Variants in SLC25A6 observed in about 807,000 individuals in gnomAD.
SLC25A6 encodes solute carrier family 25 member 6.
A neutral mutation model predicts 25.7 loss-of-function variants in SLC25A6; 9 were observed. The observed-to-expected ratio is 0.35, with a 90% CI of 0.21 to 0.61. The LOEUF (loss-of-function observed/expected upper bound fraction) is 0.61, where lower values mean the gene tolerates loss of function less well. SLC25A6 is among the 20% of genes least tolerant of loss of function. The probability of loss-of-function intolerance (pLI) is 0.76; values close to 1 mark genes in which losing one functional copy is unlikely to be tolerated. For missense variants in SLC25A6, 404 were observed against 440.5 expected (o/e 0.92, Z 0.74); for synonymous variants, 223 against 197.0 (o/e 1.13, Z -1.11).
At position 1,391,969 on chromosome X, in the gene SLC25A6, G is replaced by C; in HGVS notation, c.41C>G (p.Ala14Gly). 6.2e-7 allele frequency: 1 copy of C among 1,609,528 alleles called. No homozygotes were observed. Among genetic ancestry groups the C allele is most frequent in the Non-Finnish European group, 8.5e-7 (1 of 1,178,872 alleles). Residue 14 changes from alanine (A) to glycine (G), a missense_variant, in exon 1 of 4, where the codon GCC (alanine) becomes GGC (glycine). Physicochemically the swap from Ala to Gly is moderately conservative, Grantham distance 60. Coordinates refer to ENST00000381401, the MANE Select transcript of SLC25A6 (RefSeq NM_001636.4). Reference sequence around the variant, plus strand: ...GGAGATGGCGGCGGCGATGCCTCCGGCCAAGAAGTCTTTGGCGAAGGAGAT... The same window carrying C: ...GGAGATGGCGGCGGCGATGCCTCCGCCCAAGAAGTCTTTGGCGAAGGAGAT... ...QAISFAKDFL[A>G]GGIAAAISKT...
intron 2 of SLC25A6, among the ~76,000 whole-genome samples, chrX:1,388,769 G>A (rs1170673246): frequency 6.6e-6 from 1 of 151,498 alleles, no homozygotes; most frequent in Admixed American, 6.6e-5. Flanking sequence ...TTCTGTGATA[G>A]CAGCCTGAAA....
At position 1,392,032 on chromosome X, in the gene SLC25A6, C is replaced by T; in HGVS notation, c.-23G>A. 1.3e-6 allele frequency: 2 copies of T among 1,567,368 alleles called. No homozygotes were observed. Among genetic ancestry groups the T allele is most frequent in the Non-Finnish European group, 1.7e-6 (2 of 1,147,148 alleles). ...CATGGTGGCAGGGCGGGCAGCGGAACGGGAGGACAGCCGGAGAACGGGCGC... is the reference window on the plus strand; with the variant it reads ...CATGGTGGCAGGGCGGGCAGCGGAATGGGAGGACAGCCGGAGAACGGGCGC... On this transcript the variant is annotated 5_prime_UTR_variant, in exon 1 of 4. Coordinates refer to ENST00000381401, the MANE Select transcript of SLC25A6 (RefSeq NM_001636.4).
At chrX:1,390,642 A>ACGATCCTCCCTGGGC (rs1437538466) in intron 1 of SLC25A6, among the ~76,000 whole-genome samples, 1 of 148,016 alleles carries the variant, frequency 6.8e-6, no homozygotes, top group East Asian at 2.1e-4. Flanking sequence ...CTGGTCTCAA[A>ACGATCCTCCCTGGGC]CGATCCTCCC....
chrX:1,386,837 G>A (rs569478880), intron 3 of SLC25A6, 78 bp from the exon 4 acceptor site: 193 of 1,496,768 alleles, frequency 1.3e-4, no homozygotes, highest in Non-Finnish European at 1.4e-4. Context: ...CCACAAAGAC[G>A]TTTCACAGAA....
At chrX:1,390,636 T>G (rs5989757) in intron 1 of SLC25A6, among the ~76,000 whole-genome samples, 2 of 145,614 alleles carry the variant, frequency 1.4e-5, no homozygotes, top group Non-Finnish European at 3.0e-5. Flanking sequence ...CTCTGGCTGG[T>G]CTCAAACGAT....
intron 1 of SLC25A6, 36 bp from the exon 2 acceptor site, chrX:1,389,763 G>A: frequency 6.3e-7 from 1 of 1,599,470 alleles, no homozygotes. Context: ...CCAGACCCAG[G>A]GCCAACCACC....
chrX:1,387,296 T>G lies in SLC25A6; in HGVS notation c.722A>C (p.Gln241Pro). The G allele has an allele frequency of 6.2e-7, 1 of 1,612,804 alleles. No homozygotes were observed. Among genetic ancestry groups the G allele is most frequent in the Non-Finnish European group, 8.5e-7 (1 of 1,179,658 alleles). ...FDTVRRRMMM[Q>P]SGRKGADIMY... ...CCGAGTACCTCCTTTGCGCCCGGAC[T>G]GCATCATCATGCGCCGCCGCACCGT... Residue 241 changes from glutamine to proline, a missense_variant, in exon 3 of 4, where the codon CAG becomes CCG. Coordinates refer to ENST00000381401, the MANE Select transcript of SLC25A6 (RefSeq NM_001636.4).
At position 1,389,918 on chromosome X, in the gene SLC25A6, C is replaced by T. The variant is rs373385915; in HGVS notation, c.112-191G>A. ...GACTATAGGCGCCCACCACCACGCC[C>T]GGCTAATTTTTTTGCTTATTTAGTA... On this transcript the variant is annotated intron_variant, in intron 1 of 3. Transcript: ENST00000381401. Among the ~76,000 whole-genome samples, 54 of 152,148 alleles carry T rather than the reference C, an allele frequency of 3.5e-4. 1 individual carries two copies. In the South Asian group the frequency reaches 6.2e-3, roughly 18 times the overall value.
In SLC25A6 at chrX:1,386,559, G is replaced by C. The variant is rs2089326483; in HGVS notation, c.*43C>G. 1 of 1,470,918 alleles carries C rather than the reference G, an allele frequency of 6.8e-7. No homozygotes were observed. Among genetic ancestry groups the C allele is most frequent in the Non-Finnish European group, 9.0e-7 (1 of 1,109,584 alleles). 91.1% of individuals were successfully genotyped at this position (1,470,918 alleles called of 1,614,324 possible). Reference sequence around the variant, plus strand: ...GTTGAGGATTCTACGTGGTTCTCTTGGTTCCCCTGGTGTGTGTGTGTGTGT... The same window carrying C: ...GTTGAGGATTCTACGTGGTTCTCTTCGTTCCCCTGGTGTGTGTGTGTGTGT... On this transcript the variant is annotated 3_prime_UTR_variant, in exon 4 of 4. Coordinates refer to ENST00000381401, the MANE Select transcript of SLC25A6 (RefSeq NM_001636.4).
In SLC25A6 at chrX:1,386,568, GGTGTGTGT is replaced by G. The variant is rs113634215; in HGVS notation, c.*26_*33del. On this transcript the variant is annotated 3_prime_UTR_variant, in exon 4 of 4. Coordinates refer to ENST00000381401, the MANE Select transcript of SLC25A6 (RefSeq NM_001636.4). ...TCTACGTGGTTCTCTTGGTTCCCCT[GGTGTGTGT>G]GTGTGTGTGGAGGAGGCCGCGGCCC... 1 of 1,189,370 alleles carries G rather than the reference GGTGTGTGT, an allele frequency of 8.4e-7. No individual in the cohort carries two copies. The highest frequency in any genetic ancestry group is 1.1e-6 in the Non-Finnish European group (1 of 877,588). The allele number at this position is 1,189,370 out of a possible 1,614,324, so 73.7% of individuals were successfully genotyped here.
rs763643959 is a variant in SLC25A6 at position 1,387,356 on chromosome X, G to A, written c.662C>T (p.Thr221Met). The A allele has an allele frequency of 5.6e-6, 9 of 1,613,340 alleles. No individual in the cohort carries two copies. Among genetic ancestry groups the A allele is most frequent in the East Asian group, 4.5e-5 (2 of 44,874 alleles). The change falls in exon 3 of 4, where the codon ACG becomes ATG. Residue 221 changes from threonine (T) to methionine (M), a missense_variant. Transcript: ENST00000381401. ...GTAGGACACCACGCCGGCCACGGCC[G>A]TCACGGTCTGCGCGATCATCCAGCT... The part of the protein sequence containing the change: ...VVSWMIAQTV[T>M]AVAGVVSYPF...
Position 1,389,323 on chromosome X carries a change from G to A in SLC25A6, c.516C>T (p.Gly172=). 1 of 1,613,874 alleles carries A rather than the reference G, an allele frequency of 6.2e-7. No homozygotes were observed. Among genetic ancestry groups the A allele is most frequent in the South Asian group, 1.1e-5 (1 of 91,076 alleles). Residue 172 remains glycine, a synonymous_variant, in exon 2 of 4, where the codon GGC becomes GGT. Transcript: ENST00000381401. ...CGGAGACACTGAAGCCCTGGTACAG[G>A]CCCCGGATGCCGTCGGACTTGGTGA... ...VKITKSDGIR[G]LYQGFSVSVQ... is the part of the protein sequence containing the mutation.
At chrX:1,389,874 C>T (rs2149240440) in intron 1 of SLC25A6, 147 bp from the exon 2 acceptor site, 6 of 1,413,528 alleles carry the variant, frequency 4.2e-6, no homozygotes, top group Non-Finnish European at 5.7e-6. Context: ...TCTCCTGTCT[C>T]AGCCTCCCGA....
In SLC25A6 at chrX:1,387,316, C is replaced by T; in HGVS notation, c.702G>A (p.Val234=). 6.2e-7 allele frequency: 1 copy of T among 1,613,272 alleles called. No individual in the cohort carries two copies. The highest frequency in any genetic ancestry group is 1.1e-5 in the South Asian group (1 of 91,048). Residue 234 remains valine, a synonymous_variant, in exon 3 of 4, where the codon GTG becomes GTA. Coordinates refer to ENST00000381401, the MANE Select transcript of SLC25A6 (RefSeq NM_001636.4). Reference sequence around the variant, plus strand: ...CGGACTGCATCATCATGCGCCGCCGCACCGTGTCGAAGGGGTAGGACACCA... The same window carrying T: ...CGGACTGCATCATCATGCGCCGCCGTACCGTGTCGAAGGGGTAGGACACCA... ...AGVVSYPFDT[V]RRRMMMQSGR... is the part of the protein sequence containing the mutation.
chrX:1,387,801 T>C (rs1485809986), intron 2 of SLC25A6, among the ~76,000 whole-genome samples: 1 of 151,176 alleles, frequency 6.6e-6, no homozygotes, highest in Non-Finnish European at 1.5e-5. Context: ...GCAACTGTAC[T>C]TGGATATAAG....
chrX:1,391,575 G>A (rs1213842849), intron 1 of SLC25A6, among the ~76,000 whole-genome samples: 2 of 152,228 alleles, frequency 1.3e-5, no homozygotes, highest in Admixed American at 6.5e-5. Flanking sequence ...GTCCCAGCCG[G>A]GGGACCCGCA....
chrX:1,390,714 G>A (rs1475770931), intron 1 of SLC25A6, among the ~76,000 whole-genome samples: 6 of 149,894 alleles, frequency 4.0e-5, no homozygotes, highest in East Asian at 2.0e-4. Context: ...TCTTAGAGAC[G>A]GGGTCTTGCT....
intron 3 of SLC25A6, 27 bp downstream of exon 3, chrX:1,387,252 G>A (rs1471830020): frequency 6.2e-7 from 1 of 1,607,372 alleles, no homozygotes; most frequent in Non-Finnish European, 8.5e-7. Flanking sequence ...CTTCCCGGCA[G>A]CAAGGGTCCC....
rs746762647 is a variant in SLC25A6 at position 1,389,222 on chromosome X, C to T, written c.598+19G>A. Reference sequence around the variant, plus strand: ...TGTTGAGCCCGTCTCTGGGACTTCGCGATGGCAGCCACACGTACCCTTGGC... The same window carrying T: ...TGTTGAGCCCGTCTCTGGGACTTCGTGATGGCAGCCACACGTACCCTTGGC... On this transcript the variant is annotated intron_variant, in intron 2 of 3. Coordinates refer to ENST00000381401, the MANE Select transcript of SLC25A6 (RefSeq NM_001636.4). 34 of 1,604,178 alleles carry T rather than the reference C, an allele frequency of 2.1e-5. No homozygotes were observed. Among genetic ancestry groups the T allele is most frequent in the South Asian group, 1.5e-4 (14 of 90,694 alleles).
Sources: gnomAD v4.1 joint callset for allele counts (sites outside exome capture counted in the v4.1 genomes callset) on GRCh38, gnomAD v4.1.1 for gene constraint, MANE v1.5 for transcripts, NCBI Gene and HGNC (gene_info 2026-07-23, HGNC 2026-07-21) for gene names.